LAMA2: variants seen among roughly 807,000 people sequenced by gnomAD.
LAMA2 encodes the protein laminin subunit alpha 2, also known as laminin subunit alpha-2.
In LAMA2, 269 loss-of-function variants were observed where a neutral mutation model predicts 364.8. The ratio of observed to expected loss-of-function variants is 0.74; its 90% CI spans 0.67 to 0.82. LAMA2 has a LOEUF of 0.82. Ranked by LOEUF, LAMA2 falls within the 40% of genes least tolerant of loss-of-function variation. The pLI is 0.00. For synonymous variants in LAMA2, 1,379 were observed against 1,370.6 expected, an observed-to-expected ratio of 1.01 and a Z score of -0.14; for missense variants, 3,807 against 3,873.2, an observed-to-expected ratio of 0.98 and a Z score of 0.45.
At chr6:128,930,544 C>T (rs67979397) in intron 1 of LAMA2, among the ~76,000 whole-genome samples, 11,579 of 151,962 alleles carry the variant, frequency 0.076, 491 homozygotes, top group South Asian at 0.12. Context: ...TAGATCAGTT[C>T]CCCCCACCCT....
chr6:129,022,529 G>A (rs1267951538), intron 1 of LAMA2, among the ~76,000 whole-genome samples: 1 of 151,964 alleles, frequency 6.6e-6, no homozygotes, highest in Non-Finnish European at 1.5e-5. Flanking sequence ...TACTTTAATC[G>A]CTTTTAGCCA....
chr6:128,958,016 C>T (rs1035297416), intron 1 of LAMA2, among the ~76,000 whole-genome samples: 21 of 151,898 alleles, frequency 1.4e-4, no homozygotes, highest in South Asian at 4.2e-4. Flanking sequence ...ATAGCCCTTC[C>T]CTGTTCCCTG....
intron 4 of LAMA2, among the ~76,000 whole-genome samples, chr6:129,115,813 A>G (rs1776442402): frequency 6.6e-6 from 1 of 152,166 alleles, no homozygotes; most frequent in Admixed American, 6.6e-5. Context: ...GGAAGTATAA[A>G]TACATATCTG....
At chr6:128,981,461 G>A (rs944340869) in intron 1 of LAMA2, among the ~76,000 whole-genome samples, 5 of 151,718 alleles carry the variant, frequency 3.3e-5, no homozygotes, top group African/African-American at 9.7e-5. Flanking sequence ...TGCCTTCCAG[G>A]GCTTGGTGCA....
intron 10 of LAMA2, among the ~76,000 whole-genome samples, chr6:129,181,644 G>GA (rs1438490438): frequency 6.6e-6 from 1 of 151,808 alleles, no homozygotes; most frequent in Admixed American, 6.6e-5. Context: ...ATATAGGCCT[G>GA]AAAAAATTAC....
intron 48 of LAMA2, among the ~76,000 whole-genome samples, chr6:129,458,349 A>G (rs1783075329): frequency 1.3e-5 from 2 of 152,068 alleles, no homozygotes; most frequent in African/African-American, 2.4e-5. Flanking sequence ...ACAGTATTCT[A>G]TCAGTCTCAG....
In LAMA2 at chr6:129,149,010, G is replaced by T. The variant is rs569437197; in HGVS notation, c.941G>T (p.Cys314Phe). Residue 314 changes from cysteine (C) to phenylalanine (F), a missense_variant, in exon 7 of 65, where the codon TGT becomes TTT. By Grantham distance (205) the Cys-to-Phe change is radical. Transcript: ENST00000421865. The part of the protein sequence containing the change: ...KSRCECEHNT[C>F]GDSCDQCCPG... ...CGCTGTGAGTGTGAGCATAACACAT[G>T]TGGCGATAGCTGTGATCAGTGCTGT... 2.5e-6 allele frequency: 4 copies of T among 1,613,520 alleles called. No homozygotes were observed. The South Asian group carries it at 4.4e-5, about 18-fold the overall frequency.
chr6:129,382,482 C>G (rs572980560), intron 34 of LAMA2, among the ~76,000 whole-genome samples: 4 of 152,152 alleles, frequency 2.6e-5, no homozygotes, highest in Non-Finnish European at 5.9e-5. Flanking sequence ...TTCTGTTTTA[C>G]TTTGCTGACA....
At chr6:129,498,647 A>AT (rs1472465542) in intron 58 of LAMA2, among the ~76,000 whole-genome samples, 1 of 152,242 alleles carries the variant, frequency 6.6e-6, no homozygotes, top group East Asian at 1.9e-4. Flanking sequence ...ACCAGATGTG[A>AT]TTTTAGCCCA....
intron 58 of LAMA2, among the ~76,000 whole-genome samples, chr6:129,494,432 A>G (rs969817134): frequency 5.3e-5 from 8 of 152,236 alleles, no homozygotes; most frequent in Non-Finnish European, 8.8e-5. Flanking sequence ...GAAAAATCAA[A>G]TGGGATAATG....
intron 28 of LAMA2, among the ~76,000 whole-genome samples, chr6:129,326,773 A>T (rs1265334555): frequency 6.9e-6 from 1 of 144,680 alleles, no homozygotes; most frequent in Non-Finnish European, 1.5e-5. Context: ...ATAATATATA[A>T]TTTATATATT....
At chr6:129,443,093 CT>C in intron 44 of LAMA2, 25 bp downstream of exon 44, 2 of 1,561,956 alleles carry the variant, frequency 1.3e-6, no homozygotes, top group Non-Finnish European at 1.7e-6. Context: ...ACTTATATAC[CT>C]TTTAGTAACG....
chr6:129,158,887 A>G, intron 8 of LAMA2: 2 of 1,611,580 alleles, frequency 1.2e-6, no homozygotes, highest in East Asian at 2.2e-5. Flanking sequence ...AACGTCCATT[A>G]GTTATGCATG....
At chr6:129,227,973 C>T (rs1020664754) in intron 12 of LAMA2, among the ~76,000 whole-genome samples, 2 of 152,174 alleles carry the variant, frequency 1.3e-5, no homozygotes, top group Admixed American at 1.3e-4. Flanking sequence ...CAGTGGGCTT[C>T]ACCCAGTTCA....
chr6:128,987,140 G>GTTTTTTTTTTTTTTTTTTTT (rs764115716), intron 1 of LAMA2, among the ~76,000 whole-genome samples: 1 of 121,356 alleles, frequency 8.2e-6, no homozygotes, highest in Non-Finnish European at 1.7e-5. Flanking sequence ...TTTTTTTTTT[G>GTTTTTTTTTTTTTTTTTTTT]TTTTTTTTTT....
chr6:129,225,819 G>T (rs1262386120), intron 12 of LAMA2, among the ~76,000 whole-genome samples: 1 of 152,158 alleles, frequency 6.6e-6, no homozygotes, highest in Admixed American at 6.5e-5. Flanking sequence ...TGTTGATTTG[G>T]GGTGGAGAGT....
chr6:129,274,126 CA>C (rs1788130322), intron 17 of LAMA2, among the ~76,000 whole-genome samples: 2 of 248 alleles, frequency 8.1e-3, no homozygotes, highest in Non-Finnish European at 0.026. Flanking sequence ...ATGTCTTTTA[CA>C]TTTAAAACAA....
rs1784881828 is a variant in LAMA2, at chr6:129,491,905, T to G, written c.7903T>G (p.Phe2635Val). Residue 2635 changes from phenylalanine to valine, a missense_variant, in exon 57 of 65, where the codon TTT (phenylalanine) becomes GTT (valine). Transcript: ENST00000421865. ...TTATTTTTAATATTTTATCAGCATC[T>G]TTACAGTTCAAGTGGATGAAAACAG... is the stretch of plus-strand genomic sequence containing the variant. Reference protein sequence around the residue: ...SVHVERTRGIFTVQVDENRRY... With the variant: ...SVHVERTRGIVTVQVDENRRY... 6.2e-7 allele frequency: 1 copy of G among 1,606,728 alleles called. No individual in the cohort carries two copies. The highest frequency in any genetic ancestry group is 8.5e-7 in the Non-Finnish European group (1 of 1,173,412).
intron 12 of LAMA2, among the ~76,000 whole-genome samples, chr6:129,205,890 G>T (rs907993649): frequency 6.6e-6 from 1 of 151,898 alleles, no homozygotes; most frequent in African/African-American, 2.4e-5. Context: ...GGGTGTGGTG[G>T]TGTGTGCATG....
Sources: gnomAD v4.1 joint callset for allele counts (sites outside exome capture counted in the v4.1 genomes callset) on GRCh38, gnomAD v4.1.1 for gene constraint, MANE v1.5 for transcripts, NCBI Gene and HGNC (gene_info 2026-07-23, HGNC 2026-07-21) for gene names.